RSU1: variants seen among roughly 807,000 people sequenced by gnomAD.
The protein encoded by RSU1 is rsu-1.
In RSU1, 26 loss-of-function variants were observed where a neutral mutation model predicts 31.1. The ratio of observed to expected loss-of-function variants is 0.84; its 90% CI spans 0.61 to 1.16. The LOEUF (loss-of-function observed/expected upper bound fraction) is 1.16, where lower values mean the gene tolerates loss of function less well. Ranked by LOEUF, RSU1 falls within the 50% of genes most tolerant of loss-of-function variation. The probability of loss-of-function intolerance (pLI) is 0.00; values close to 1 mark genes in which losing one functional copy is unlikely to be tolerated. For synonymous variants in RSU1, 164 were observed against 136.3 expected, an observed-to-expected ratio of 1.20 and a Z score of -1.41; for missense variants, 320 against 339.1, an observed-to-expected ratio of 0.94 and a Z score of 0.44.
chr10:16,784,730 C>T (rs570816652), intron 2 of RSU1, among the ~76,000 whole-genome samples: 1 of 152,264 alleles, frequency 6.6e-6, no homozygotes, highest in East Asian at 1.9e-4. Flanking sequence ...GGGAACTCCC[C>T]TTCATAAAAC....
intron 8 of RSU1, among the ~76,000 whole-genome samples, chr10:16,631,964 G>A (rs189306619): frequency 2.0e-5 from 3 of 152,166 alleles, no homozygotes; most frequent in Non-Finnish European, 4.4e-5. Context: ...GATTCTGGAA[G>A]AGTCCGTAGA....
At chr10:16,803,627 A>G (rs1838205363) in intron 2 of RSU1, among the ~76,000 whole-genome samples, 1 of 152,220 alleles carries the variant, frequency 6.6e-6, no homozygotes, top group South Asian at 2.1e-4. Flanking sequence ...TGGTGAAACA[A>G]TAGACAAGTA....
At chr10:16,713,841 A>G (rs1331929710) in intron 7 of RSU1, among the ~76,000 whole-genome samples, 1 of 152,006 alleles carries the variant, frequency 6.6e-6, no homozygotes, top group African/African-American at 2.4e-5. Context: ...TCATTAGGAG[A>G]TAATTCTTCC....
chr10:16,811,253 C>T (rs1797077), intron 2 of RSU1, among the ~76,000 whole-genome samples: 91,319 of 152,002 alleles, frequency 0.6, 29,132 homozygotes, highest in African/African-American at 0.82. Context: ...GCTACACCAT[C>T]TGGGTGTGTG....
At chr10:16,593,647 C>T (rs778148602) in intron 8 of RSU1, 151 bp from the exon 9 acceptor site, 22 of 641,910 alleles carry the variant, frequency 3.4e-5, no homozygotes, top group Non-Finnish European at 4.9e-5. Context: ...CTGGGTGCTA[C>T]GCTGTGTTGA....
chr10:16,782,474 A>G (rs1240577848), intron 2 of RSU1, among the ~76,000 whole-genome samples: 2 of 152,212 alleles, frequency 1.3e-5, no homozygotes, highest in Middle Eastern at 3.2e-3. Context: ...TTGTGCTAAA[A>G]AATTTTAATT....
chr10:16,682,332 C>T (rs890317940), intron 8 of RSU1, among the ~76,000 whole-genome samples: 9 of 152,102 alleles, frequency 5.9e-5, no homozygotes, highest in East Asian at 3.8e-4. Context: ...CTTATAGTTA[C>T]GGGAACAGAC....
At chr10:16,630,601 C>T (rs182947619) in intron 8 of RSU1, among the ~76,000 whole-genome samples, 12 of 152,278 alleles carry the variant, frequency 7.9e-5, no homozygotes, top group Admixed American at 2.6e-4. Flanking sequence ...TTAGCACAGC[C>T]GACTCCCAGA....
chr10:16,683,002 C>G (rs558930809), intron 8 of RSU1, among the ~76,000 whole-genome samples: 8 of 152,262 alleles, frequency 5.3e-5, no homozygotes, highest in Admixed American at 3.9e-4. Context: ...AACGCATCTT[C>G]GAATTCAAAG....
intron 2 of RSU1, among the ~76,000 whole-genome samples, chr10:16,792,314 C>T (rs1007687359): frequency 2.6e-5 from 4 of 152,206 alleles, no homozygotes; most frequent in Non-Finnish European, 5.9e-5. Flanking sequence ...CTCACTACAA[C>T]CTCCACCTCC....
At position 16,817,354 on chromosome 10, in the gene RSU1, A is replaced by C; in HGVS notation, c.-43T>G. 1 of 417,260 alleles carries C rather than the reference A, an allele frequency of 2.4e-6. No individual in the cohort carries two copies. The allele number at this position is 417,260 out of a possible 1,614,324, so 25.8% of individuals were successfully genotyped here. A position where few individuals can be genotyped will look rare whatever the true frequency, so the allele number is the denominator to read the frequency against. On this transcript the variant is annotated 5_prime_UTR_variant, in exon 1 of 9. Transcript: ENST00000345264. ...CCTAAGACGATGGGCGTGCAACCAC[A>C]AGCTTCGGCAGAACGCACTCCAGCT...
At chr10:16,662,377 T>C (rs923171567) in intron 8 of RSU1, among the ~76,000 whole-genome samples, 1 of 152,206 alleles carries the variant, frequency 6.6e-6, no homozygotes, top group African/African-American at 2.4e-5. Context: ...AACTAACATG[T>C]GTTTCTTTGA....
chr10:16,697,644 A>G (rs1301040248), intron 7 of RSU1, among the ~76,000 whole-genome samples: 7 of 151,606 alleles, frequency 4.6e-5, no homozygotes, highest in Non-Finnish European at 8.8e-5. Flanking sequence ...AGCCTGGGTA[A>G]CAGAGCAAGA....
intron 8 of RSU1, among the ~76,000 whole-genome samples, chr10:16,611,816 CGAGA>C (rs949181718): frequency 6.6e-6 from 1 of 152,072 alleles, no homozygotes. Context: ...TTCCAGAGAG[CGAGA>C]GAGAGTGAGA....
chr10:16,741,042 A>G (rs1192045072), intron 7 of RSU1, among the ~76,000 whole-genome samples: 1 of 152,170 alleles, frequency 6.6e-6, no homozygotes, highest in Admixed American at 6.5e-5. Flanking sequence ...TGAAACTAAC[A>G]TGCCCCAATT....
chr10:16,596,556 A>C (rs911747544), intron 8 of RSU1, among the ~76,000 whole-genome samples: 25 of 151,988 alleles, frequency 1.6e-4, no homozygotes, highest in African/African-American at 6.0e-4. Context: ...CAAGGGTCTG[A>C]CTCTGTGTCT....
intron 2 of RSU1, among the ~76,000 whole-genome samples, chr10:16,806,446 G>A (rs141878741): frequency 5.9e-5 from 9 of 152,300 alleles, no homozygotes; most frequent in East Asian, 5.8e-4. Flanking sequence ...TATTGCCTGG[G>A]TGACTTTGAG....
chr10:16,781,651 A>C (rs17139155), intron 3 of RSU1, among the ~76,000 whole-genome samples: 1,826 of 152,310 alleles, frequency 0.012, 63 homozygotes, highest in East Asian at 0.082. Context: ...TTCCAGAGCA[A>C]CAATGTCATT....
intron 8 of RSU1, among the ~76,000 whole-genome samples, chr10:16,622,145 G>A (rs1834081208): frequency 6.6e-6 from 1 of 152,116 alleles, no homozygotes; most frequent in African/African-American, 2.4e-5. Flanking sequence ...TACAGGTGCT[G>A]TTTCAATATG....
Sources: gnomAD v4.1 joint callset for allele counts (sites outside exome capture counted in the v4.1 genomes callset) on GRCh38, gnomAD v4.1.1 for gene constraint, MANE v1.5 for transcripts, NCBI Gene and HGNC (gene_info 2026-07-23, HGNC 2026-07-21) for gene names.